Variants in ROBO2 observed in about 807,000 individuals in gnomAD.
The protein encoded by ROBO2 is roundabout guidance receptor 2.
A neutral mutation model predicts 160.8 loss-of-function variants in ROBO2; 53 were observed. That is an observed-to-expected ratio of 0.33 (90% CI 0.26 to 0.41). The LOEUF is 0.41. ROBO2 is among the 10% of genes least tolerant of loss of function. The pLI is 1.00. For missense variants in ROBO2, 1,577 were observed against 1,722.4 expected (o/e 0.92, Z 1.49); for synonymous variants, 664 against 611.7 (o/e 1.09, Z -1.26).
chr3:76,671,943 T>TA (rs1241531155), intron 2 of ROBO2, among the ~76,000 whole-genome samples: 1 of 152,104 alleles, frequency 6.6e-6, no homozygotes, highest in Non-Finnish European at 1.5e-5. Context: ...CAGTATTTTT[T>TA]ATGTAGCATG....
chr3:76,495,741 C>T (rs565325011), intron 2 of ROBO2, among the ~76,000 whole-genome samples: 2 of 151,936 alleles, frequency 1.3e-5, no homozygotes, highest in Non-Finnish European at 2.9e-5. Flanking sequence ...AGGTCTCATA[C>T]GTAATGAAGA....
At chr3:77,619,149 A>G (rs552122192) in intron 22 of ROBO2, among the ~76,000 whole-genome samples, 2 of 152,282 alleles carry the variant, frequency 1.3e-5, no homozygotes, top group East Asian at 3.9e-4. Context: ...GTGGAGATGA[A>G]CCTGTCTTAC....
At chr3:76,781,684 T>A (rs2062654379) in intron 2 of ROBO2, among the ~76,000 whole-genome samples, 2 of 150,804 alleles carry the variant, frequency 1.3e-5, no homozygotes, top group Non-Finnish European at 1.5e-5. Context: ...ATGTGGTATA[T>A]AACATTTACT....
intron 2 of ROBO2, among the ~76,000 whole-genome samples, chr3:77,235,211 A>G (rs2087783023): frequency 6.6e-6 from 1 of 152,234 alleles, no homozygotes; most frequent in Admixed American, 6.5e-5. Flanking sequence ...AGAATATCAT[A>G]CATAGAATTA....
intron 2 of ROBO2, among the ~76,000 whole-genome samples, chr3:76,098,537 A>G (rs74885741): frequency 0.079 from 11,151 of 141,908 alleles, 599 homozygotes; most frequent in Middle Eastern, 0.22. Flanking sequence ...TAAGATCATT[A>G]GTCTTTCTGA....
chr3:76,061,410 A>G (rs1377317702), intron 2 of ROBO2, among the ~76,000 whole-genome samples: 1 of 152,030 alleles, frequency 6.6e-6, no homozygotes, highest in Non-Finnish European at 1.5e-5. Flanking sequence ...GGTAAGATGT[A>G]TTTTTTACTT....
intron 2 of ROBO2, among the ~76,000 whole-genome samples, chr3:76,150,524 C>G (rs1334152060): frequency 5.9e-5 from 9 of 152,178 alleles, no homozygotes; most frequent in Non-Finnish European, 1.2e-4. Flanking sequence ...CTAAAACACA[C>G]ACCTTGATCC....
chr3:76,640,528 C>T (rs56044969), intron 2 of ROBO2, among the ~76,000 whole-genome samples: 30,848 of 129,206 alleles, frequency 0.24, 3,303 homozygotes, highest in Middle Eastern at 0.28. Context: ...AGTGAAGCTC[C>T]GTCTCAAAAA....
intron 2 of ROBO2, among the ~76,000 whole-genome samples, chr3:77,149,002 G>A (rs183396562): frequency 4.5e-4 from 67 of 149,434 alleles, no homozygotes; most frequent in Middle Eastern, 3.5e-3. Context: ...ACTAACCAAA[G>A]TTCATTAATT....
chr3:77,342,160 G>A (rs970754629), intron 2 of ROBO2, among the ~76,000 whole-genome samples: 2 of 152,148 alleles, frequency 1.3e-5, no homozygotes, highest in Non-Finnish European at 1.5e-5. Context: ...CCCTTTTCAT[G>A]AAAATTTGAC....
chr3:76,418,239 G>C (rs994325565), intron 2 of ROBO2, among the ~76,000 whole-genome samples: 1 of 151,788 alleles, frequency 6.6e-6, no homozygotes, highest in Non-Finnish European at 1.5e-5. Context: ...AATAGAGAGA[G>C]AGAGAGAGAG....
At chr3:76,419,480 A>G (rs1199312616) in intron 2 of ROBO2, among the ~76,000 whole-genome samples, 2 of 152,098 alleles carry the variant, frequency 1.3e-5, no homozygotes, top group Non-Finnish European at 2.9e-5. Flanking sequence ...CAGTGAAAGC[A>G]GGTGAAGGTG....
At chr3:76,839,940 T>G (rs1185622764) in intron 2 of ROBO2, among the ~76,000 whole-genome samples, 1 of 152,216 alleles carries the variant, frequency 6.6e-6, no homozygotes, top group Admixed American at 6.5e-5. Context: ...TTAGATTTTC[T>G]AATTTATTCA....
chr3:77,500,340 C>T (rs995200462), intron 5 of ROBO2, among the ~76,000 whole-genome samples: 4 of 152,096 alleles, frequency 2.6e-5, no homozygotes, highest in African/African-American at 9.7e-5. Flanking sequence ...TTTAAGGCCA[C>T]ATATTAATAA....
At chr3:76,044,325 A>G (rs1250300663) in intron 2 of ROBO2, among the ~76,000 whole-genome samples, 12 of 152,036 alleles carry the variant, frequency 7.9e-5, no homozygotes, top group African/African-American at 2.9e-4. Flanking sequence ...TTTCCAAAGA[A>G]GCACAGGTTT....
intron 2 of ROBO2, among the ~76,000 whole-genome samples, chr3:76,830,722 A>G (rs2109310239): frequency 6.6e-6 from 1 of 151,554 alleles, no homozygotes; most frequent in South Asian, 2.1e-4. Flanking sequence ...CACGCTTGTA[A>G]TCCCAGCATC....
chr3:77,576,463 A>G (rs1489716963), intron 14 of ROBO2, among the ~76,000 whole-genome samples: 1 of 152,152 alleles, frequency 6.6e-6, no homozygotes, highest in Non-Finnish European at 1.5e-5. Flanking sequence ...GATATTTTAA[A>G]CTGTTAAGAA....
At chr3:77,391,216 T>A (rs1013489946) in intron 2 of ROBO2, among the ~76,000 whole-genome samples, 7 of 152,170 alleles carry the variant, frequency 4.6e-5, no homozygotes, top group African/African-American at 1.7e-4. Context: ...AAAAAATTGC[T>A]TATAACCTGC....
At chr3:77,000,989 A>C (rs182512822) in intron 2 of ROBO2, among the ~76,000 whole-genome samples, 1 of 152,256 alleles carries the variant, frequency 6.6e-6, no homozygotes. Context: ...CCATATATTT[A>C]AGAGCCACGG....
Sources: gnomAD v4.1 joint callset for allele counts (sites outside exome capture counted in the v4.1 genomes callset) on GRCh38, gnomAD v4.1.1 for gene constraint, MANE v1.5 for transcripts, NCBI Gene and HGNC (gene_info 2026-07-23, HGNC 2026-07-21) for gene names.